Variants in SCHIP1 observed in about 807,000 individuals in gnomAD.
SCHIP1 encodes the protein schwannomin-interacting protein 1.
SCHIP1 carries 8 observed loss-of-function variants against 29.7 expected under a neutral mutation model. That is an observed-to-expected ratio of 0.27 (90% confidence interval 0.16 to 0.49). The LOEUF (loss-of-function observed/expected upper bound fraction) is 0.49, where lower values mean the gene tolerates loss of function less well. SCHIP1 is among the 20% of genes least tolerant of loss of function. The probability of loss-of-function intolerance (pLI) is 0.99; values close to 1 mark genes in which losing one functional copy is unlikely to be tolerated. For synonymous variants in SCHIP1, 76 were observed against 94.9 expected (o/e 0.80, Z 1.16); for missense variants, 193 against 294.6 (o/e 0.66, Z 2.52).
chr3:159,776,202 A>G, the SCHIP1 span, among the ~76,000 whole-genome samples: 3 of 152,244 alleles, frequency 2.0e-5, no homozygotes, highest in African/African-American at 4.8e-5. Context: ...TGATACCAGT[A>G]GCTAAAAATT....
At chr3:159,872,043 G>A (rs1458064015) in intron 2 of SCHIP1, among the ~76,000 whole-genome samples, 1 of 152,056 alleles carries the variant, frequency 6.6e-6, no homozygotes, top group Non-Finnish European at 1.5e-5. Flanking sequence ...GGTAGATTGA[G>A]GTAGTTAAGT....
At chr3:159,647,341 G>A in the SCHIP1 span, among the ~76,000 whole-genome samples, 1 of 152,084 alleles carries the variant, frequency 6.6e-6, no homozygotes. Context: ...GTGGGAGGAG[G>A]AGAGGGTTGA....
At chr3:159,770,457 C>CTA in the SCHIP1 span, among the ~76,000 whole-genome samples, 1 of 152,100 alleles carries the variant, frequency 6.6e-6, no homozygotes, top group African/African-American at 2.4e-5. Flanking sequence ...CGGGGTGTCA[C>CTA]CATGTTGGTC....
At chr3:159,620,272 A>T in the SCHIP1 span, among the ~76,000 whole-genome samples, 1 of 152,248 alleles carries the variant, frequency 6.6e-6, no homozygotes, top group Admixed American at 6.5e-5. Context: ...ACTAAAATGT[A>T]TCTCTGATGC....
At chr3:159,871,642 T>C (rs1715299317) in intron 2 of SCHIP1, among the ~76,000 whole-genome samples, 1 of 152,220 alleles carries the variant, frequency 6.6e-6, no homozygotes, top group African/African-American at 2.4e-5. Flanking sequence ...TCTTGGGCTA[T>C]GAATTGCGAC....
chr3:159,705,941 A>G, the SCHIP1 span, among the ~76,000 whole-genome samples: 189 of 151,992 alleles, frequency 1.2e-3, no homozygotes, highest in African/African-American at 4.5e-3. Context: ...TCCTGACCTC[A>G]TGATCCACCC....
At chr3:159,681,450 AT>A in the SCHIP1 span, among the ~76,000 whole-genome samples, 2 of 152,196 alleles carry the variant, frequency 1.3e-5, no homozygotes, top group Non-Finnish European at 1.5e-5. Flanking sequence ...TGTTTTCATT[AT>A]TACATATTTC....
At chr3:159,639,521 G>T in the SCHIP1 span, among the ~76,000 whole-genome samples, 1 of 151,946 alleles carries the variant, frequency 6.6e-6, no homozygotes, top group African/African-American at 2.4e-5. Context: ...CCATAGAAAA[G>T]GTGTGTTTTA....
At chr3:159,698,915 G>A in the SCHIP1 span, among the ~76,000 whole-genome samples, 1 of 152,070 alleles carries the variant, frequency 6.6e-6, no homozygotes, top group Non-Finnish European at 1.5e-5. Flanking sequence ...CAAAATGCTG[G>A]GATTACAGGT....
chr3:159,608,373 A>G, the SCHIP1 span, among the ~76,000 whole-genome samples: 682 of 152,334 alleles, frequency 4.5e-3, 1 homozygote, highest in Non-Finnish European at 7.6e-3. Flanking sequence ...TGTCATGAGT[A>G]AAAAGAAAAA....
intron 1 of SCHIP1, chr3:159,853,115 G>A (rs1170443593): frequency 3.5e-5 from 12 of 342,676 alleles, no homozygotes; most frequent in Non-Finnish European, 6.3e-5. Flanking sequence ...TGGGAAGGCC[G>A]GAGTCAGCAA....
chr3:159,438,405 C>A, the SCHIP1 span, among the ~76,000 whole-genome samples: 1 of 152,162 alleles, frequency 6.6e-6, no homozygotes, highest in African/African-American at 2.4e-5. Context: ...AGACCCATCT[C>A]TTCTACCCCC....
chr3:159,860,396 C>T (rs998328369), intron 1 of SCHIP1, among the ~76,000 whole-genome samples: 10 of 152,082 alleles, frequency 6.6e-5, no homozygotes, highest in African/African-American at 1.2e-4. Context: ...GCAGAGTCTC[C>T]GGCCCTGTCT....
At chr3:159,479,878 ACAT>A in the SCHIP1 span, among the ~76,000 whole-genome samples, 2 of 152,192 alleles carry the variant, frequency 1.3e-5, no homozygotes, top group Non-Finnish European at 2.9e-5. Context: ...TCTTTTCCTT[ACAT>A]CATCTTGTGG....
rs115390865 is a variant in SCHIP1 at position 159,840,677 on chromosome 3, A to C, written c.30+463A>C. On this transcript the variant is annotated intron_variant, in intron 1 of 6. Transcript: ENST00000445224. ...CGATTGATAATCTTGGAAATTTTCA[A>C]AAATCAGCCAGTATGCACTTGATGT... 2.0e-3 allele frequency among the ~76,000 whole-genome samples: 301 copies of C among 152,358 alleles called. 1 individual carries two copies. Among genetic ancestry groups the C allele is most frequent in the Non-Finnish European group, 3.4e-3 (228 of 68,030 alleles).
At chr3:159,715,668 TAAATG>T in the SCHIP1 span, among the ~76,000 whole-genome samples, 3 of 152,056 alleles carry the variant, frequency 2.0e-5, no homozygotes, top group African/African-American at 7.2e-5. Flanking sequence ...GAAGATCAAA[TAAATG>T]AAATGAAGTG....
chr3:159,577,374 G>A, the SCHIP1 span, among the ~76,000 whole-genome samples: 2 of 152,166 alleles, frequency 1.3e-5, no homozygotes, highest in Admixed American at 1.3e-4. Flanking sequence ...CATTAATTTT[G>A]TCAGGTAACA....
the SCHIP1 span, among the ~76,000 whole-genome samples, chr3:159,281,288 T>A: frequency 6.6e-6 from 1 of 152,226 alleles, no homozygotes; most frequent in South Asian, 2.1e-4. Context: ...AAACATTTAT[T>A]CATTCCCTGT....
intron 1 of SCHIP1, among the ~76,000 whole-genome samples, chr3:159,864,659 G>A (rs1023426060): frequency 7.9e-5 from 12 of 152,128 alleles, no homozygotes; most frequent in African/African-American, 2.9e-4. Flanking sequence ...GAGAAAAGGA[G>A]AGTAGAGATG....
Sources: gnomAD v4.1 joint callset for allele counts (sites outside exome capture counted in the v4.1 genomes callset) on GRCh38, gnomAD v4.1.1 for gene constraint, MANE v1.5 for transcripts, NCBI Gene and HGNC (gene_info 2026-07-23, HGNC 2026-07-21) for gene names.